MACROD2: variants seen among roughly 807,000 people sequenced by gnomAD.
The protein encoded by MACROD2 is ADP-ribose glycohydrolase MACROD2.
Under a neutral mutation model 70.4 loss-of-function variants are expected in MACROD2, and 36 were observed. That is an observed-to-expected ratio of 0.51 (90% CI 0.39 to 0.68). MACROD2 has a LOEUF of 0.68. Ranked by LOEUF, MACROD2 falls within the 30% of genes least tolerant of loss-of-function variation. The pLI is 0.00. For missense variants in MACROD2, 496 were observed against 538.4 expected (o/e 0.92, Z 0.78); for synonymous variants, 172 against 178.8 (o/e 0.96, Z 0.30).
At chr20:14,734,525 AC>A (rs1386491026) in intron 5 of MACROD2, among the ~76,000 whole-genome samples, 5 of 116,300 alleles carry the variant, frequency 4.3e-5, no homozygotes, top group East Asian at 2.3e-4. Context: ...AACAAAAAAA[AC>A]AAAAACAAAA....
chr20:15,595,065 A>G (rs926405442), intron 8 of MACROD2, among the ~76,000 whole-genome samples: 3 of 152,252 alleles, frequency 2.0e-5, no homozygotes, highest in Non-Finnish European at 4.4e-5. Context: ...CTTACTCTGC[A>G]CTGTATTCTG....
At chr20:15,746,181 T>C (rs974228414) in intron 8 of MACROD2, among the ~76,000 whole-genome samples, 4 of 152,126 alleles carry the variant, frequency 2.6e-5, no homozygotes, top group Non-Finnish European at 4.4e-5. Flanking sequence ...AAGTTATTTT[T>C]AGTGTCTCTC....
At chr20:14,779,537 A>G (rs1289982497) in intron 5 of MACROD2, among the ~76,000 whole-genome samples, 2 of 152,112 alleles carry the variant, frequency 1.3e-5, no homozygotes, top group Admixed American at 1.3e-4. Flanking sequence ...TAATGACTCT[A>G]CCGCTTTCTA....
At chr20:15,368,230 C>T (rs1272238467) in intron 6 of MACROD2, among the ~76,000 whole-genome samples, 6 of 152,110 alleles carry the variant, frequency 3.9e-5, no homozygotes, top group Non-Finnish European at 7.4e-5. Context: ...GGCCCACCCC[C>T]GCCTACTGAG....
At chr20:14,821,549 T>C (rs2072844713) in intron 5 of MACROD2, among the ~76,000 whole-genome samples, 1 of 152,120 alleles carries the variant, frequency 6.6e-6, no homozygotes, top group African/African-American at 2.4e-5. Context: ...CTGAGAACAC[T>C]CGCTCTCATC....
intron 2 of MACROD2, among the ~76,000 whole-genome samples, chr20:14,032,986 T>C (rs2053263021): frequency 6.6e-6 from 1 of 152,092 alleles, no homozygotes; most frequent in Admixed American, 6.5e-5. Context: ...TTTAGTCACC[T>C]GTTTTAAAAA....
intron 5 of MACROD2, among the ~76,000 whole-genome samples, chr20:14,710,111 A>G (rs1195772151): frequency 6.6e-6 from 1 of 152,202 alleles, no homozygotes; most frequent in East Asian, 1.9e-4. Flanking sequence ...CAGCGGTCAG[A>G]AGATAATTCA....
At chr20:15,148,305 C>T (rs200933049) in intron 5 of MACROD2, among the ~76,000 whole-genome samples, 1 of 151,698 alleles carries the variant, frequency 6.6e-6, no homozygotes, top group African/African-American at 2.4e-5. Flanking sequence ...GCCTGGATAC[C>T]GTTTTGTATG....
At chr20:15,914,577 A>G (rs1416840114) in intron 10 of MACROD2, among the ~76,000 whole-genome samples, 1 of 152,232 alleles carries the variant, frequency 6.6e-6, no homozygotes, top group East Asian at 1.9e-4. Context: ...CATAATGCGT[A>G]AGGACTACCA....
chr20:14,917,184 C>G lies in MACROD2; in HGVS notation c.418+232225C>G, dbSNP rs117333363. Among the ~76,000 whole-genome samples the G allele has an allele frequency of 9.3e-3, 1,403 of 150,602 alleles. 17 individuals carry two copies. Among genetic ancestry groups the G allele is most frequent in the Middle Eastern group, 0.034 (10 of 294 alleles). Reference sequence around the variant, plus strand: ...ATTTCCGTGGCAGCATTTTACTCCACCCTCCATTGTGCATCCTAGATTCTC... The same window carrying G: ...ATTTCCGTGGCAGCATTTTACTCCAGCCTCCATTGTGCATCCTAGATTCTC... On this transcript the variant is annotated intron_variant, in intron 5 of 17. Transcript: ENST00000684519.
chr20:14,229,892 T>G (rs2081784509), intron 3 of MACROD2, among the ~76,000 whole-genome samples: 1 of 152,202 alleles, frequency 6.6e-6, no homozygotes, highest in East Asian at 1.9e-4. Context: ...AGTTTTGGTT[T>G]CAGACCACCA....
At chr20:15,533,549 C>A (rs1171820345) in intron 8 of MACROD2, among the ~76,000 whole-genome samples, 2 of 49,886 alleles carry the variant, frequency 4.0e-5, no homozygotes, top group Non-Finnish European at 7.6e-5. Flanking sequence ...CTGTCGCTCT[C>A]TCTCTCTCTC....
intron 8 of MACROD2, among the ~76,000 whole-genome samples, chr20:15,691,822 C>T (rs771832708): frequency 6.6e-6 from 1 of 152,128 alleles, no homozygotes; most frequent in African/African-American, 2.4e-5. Context: ...ACCGCTTTAT[C>T]CTATGTCATT....
At chr20:14,555,103 T>G (rs1383377073) in intron 4 of MACROD2, among the ~76,000 whole-genome samples, 1 of 151,490 alleles carries the variant, frequency 6.6e-6, no homozygotes, top group Non-Finnish European at 1.5e-5. Context: ...TTTAAAAAAC[T>G]ACAAGAGTGT....
chr20:15,404,152 C>T (rs561893302), intron 6 of MACROD2, among the ~76,000 whole-genome samples: 4 of 152,132 alleles, frequency 2.6e-5, no homozygotes, highest in South Asian at 2.1e-4. Flanking sequence ...AATATGTCTG[C>T]ATACACTGTA....
chr20:15,222,644 A>G (rs1442222111), intron 5 of MACROD2, among the ~76,000 whole-genome samples: 1 of 152,222 alleles, frequency 6.6e-6, no homozygotes, highest in Non-Finnish European at 1.5e-5. Flanking sequence ...AGAAGGACCG[A>G]TTATGCTTAT....
chr20:14,335,185 C>T (rs1180438312), intron 3 of MACROD2, among the ~76,000 whole-genome samples: 3 of 152,166 alleles, frequency 2.0e-5, no homozygotes, highest in Non-Finnish European at 4.4e-5. Context: ...CTCTGCAGTG[C>T]ACTTGCATGT....
intron 5 of MACROD2, among the ~76,000 whole-genome samples, chr20:15,093,371 A>G (rs1461058678): frequency 1.3e-5 from 2 of 151,930 alleles, no homozygotes; most frequent in Non-Finnish European, 2.9e-5. Context: ...GTCCTTTTCC[A>G]TTGTCCTTTT....
At chr20:15,652,759 C>A (rs1425313070) in intron 8 of MACROD2, among the ~76,000 whole-genome samples, 1 of 151,258 alleles carries the variant, frequency 6.6e-6, no homozygotes, top group Non-Finnish European at 1.5e-5. Context: ...TTGAGTAATT[C>A]ATCTACTCCC....
Sources: allele counts gnomAD v4.1 joint callset (sites outside exome capture counted in the v4.1 genomes callset), GRCh38; gene constraint gnomAD v4.1.1; transcripts MANE v1.5; gene names NCBI Gene and HGNC (gene_info 2026-07-23, HGNC 2026-07-21).